Variants in PCID2 observed in about 807,000 individuals in gnomAD.
PCID2 encodes PCI domain-containing protein 2.
In PCID2, 41 loss-of-function variants were observed where a neutral mutation model predicts 61.3. That is an observed-to-expected ratio of 0.67 (90% CI 0.52 to 0.87). The LOEUF (loss-of-function observed/expected upper bound fraction) is 0.87, where lower values mean the gene tolerates loss of function less well. Ranked by LOEUF, PCID2 falls within the 40% of genes least tolerant of loss-of-function variation. PCID2 has a pLI of 0.00. For missense variants in PCID2, 392 were observed against 493.4 expected, an observed-to-expected ratio of 0.79 and a Z score of 1.95; for synonymous variants, 187 against 177.8, an observed-to-expected ratio of 1.05 and a Z score of -0.41.
chr13:113,166,743 C>G, the PCID2 span, among the ~76,000 whole-genome samples: 2 of 152,216 alleles, frequency 1.3e-5, no homozygotes, highest in African/African-American at 4.8e-5. Flanking sequence ...GCTGTCTGCC[C>G]CATGAGTGCG....
the PCID2 span, chr13:113,172,242 C>A: frequency 3.2e-6 from 4 of 1,254,180 alleles, no homozygotes; most frequent in Admixed American, 6.0e-5. Flanking sequence ...TTGGCCCACG[C>A]AGCAGCAGAG....
At chr13:113,200,632 GAA>G (rs2039351927) in intron 1 of PCID2, 116 bp from the exon 2 acceptor site, 2 of 589,788 alleles carry the variant, frequency 3.4e-6, no homozygotes, top group African/African-American at 3.8e-5. Flanking sequence ...TACTTTGAAA[GAA>G]GACAGAACAA....
intron 13 of PCID2, chr13:113,178,576 A>G (rs2037321065): frequency 6.6e-5 from 26 of 395,330 alleles, no homozygotes; most frequent in South Asian, 6.0e-4. Flanking sequence ...CCTAAACAAT[A>G]CAGTACAACA....
At chr13:113,202,557 G>A (rs1336972941) in intron 1 of PCID2, among the ~76,000 whole-genome samples, 2 of 152,224 alleles carry the variant, frequency 1.3e-5, no homozygotes, top group Non-Finnish European at 2.9e-5. Flanking sequence ...AAATGAGGAA[G>A]ATCTCTAGGA....
At chr13:113,176,724 C>T (rs1452247206), downstream of PCID2, among the ~76,000 whole-genome samples, 2 of 152,064 alleles carry the variant, frequency 1.3e-5, no homozygotes, top group African/African-American at 4.8e-5. Context: ...GACTGCACTG[C>T]CGCACTCCAG....
chr13:113,197,002 A>G lies in PCID2; in HGVS notation c.266+176T>C, dbSNP rs144821895. The stretch of plus-strand genomic sequence containing the variant: ...AAGTACTGCACGAGTCTTCAGATCC[A>G]TGCTAAATTTAAGTACCCAAGTGAA... On this transcript the variant is annotated intron_variant, in intron 4 of 13. Transcript: ENST00000337344. 2,097 of 1,562,588 alleles carry G rather than the reference A, an allele frequency of 1.3e-3. 10 individuals carry two copies. The African/African-American group carries it at 0.017, about 12-fold the overall frequency.
At chr13:113,200,907 G>A (rs756636837) in intron 1 of PCID2, among the ~76,000 whole-genome samples, 9 of 151,850 alleles carry the variant, frequency 5.9e-5, no homozygotes, top group Non-Finnish European at 7.4e-5. Context: ...AGCAAGACCC[G>A]TCTCTTTAAA....
At chr13:113,198,880 T>C (rs1359633732) in intron 2 of PCID2, among the ~76,000 whole-genome samples, 1 of 152,240 alleles carries the variant, frequency 6.6e-6, no homozygotes. Context: ...AGTCAAGAAA[T>C]ACTTGTTAAG....
chr13:113,190,782 T>G, intron 7 of PCID2, 90 bp downstream of exon 7: 1 of 617,892 alleles, frequency 1.6e-6, no homozygotes, highest in Non-Finnish European at 2.8e-6. Flanking sequence ...GAAATATGTG[T>G]CAACAATAAA....
At chr13:113,166,018 G>C in the PCID2 span, 1 of 152,084 alleles carries the variant, frequency 6.6e-6, no homozygotes, top group South Asian at 2.1e-4. Context: ...TAGATATTAC[G>C]ATTTTTGTTA....
downstream of PCID2, among the ~76,000 whole-genome samples, chr13:113,176,484 G>A (rs1190030659): frequency 1.3e-5 from 2 of 152,298 alleles, no homozygotes; most frequent in African/African-American, 4.8e-5. Context: ...GAAGAGAGCC[G>A]GGTGTGGTGG....
rs554792051 is a variant in PCID2 at position 113,203,112 on chromosome 13, G to A, written c.37-2596C>T. On this transcript the variant is annotated intron_variant, in intron 1 of 13. Coordinates refer to ENST00000337344, the MANE Select transcript of PCID2 (RefSeq NM_001127202.4). ...GGGCGGTGTCGCCGGGACCACAGTC[G>A]TCAGTGAGAAAGAGCAGCACTGGCA... 1.6e-4 allele frequency among the ~76,000 whole-genome samples: 24 copies of A among 152,318 alleles called. No homozygotes were observed. In the South Asian group the frequency reaches 4.1e-3, roughly 26 times the overall value.
At chr13:113,190,246 A>C (rs1172934913) in intron 7 of PCID2, among the ~76,000 whole-genome samples, 1 of 151,600 alleles carries the variant, frequency 6.6e-6, no homozygotes, top group African/African-American at 2.4e-5. Flanking sequence ...AAAAAAAAAA[A>C]ACCAACTATG....
At chr13:113,199,151 G>A (rs2039235756) in intron 2 of PCID2, among the ~76,000 whole-genome samples, 1 of 152,202 alleles carries the variant, frequency 6.6e-6, no homozygotes, top group South Asian at 2.1e-4. Context: ...GTCTGTGAGG[G>A]TGTTTCTGGA....
chr13:113,198,332 A>G (rs1324619792), intron 2 of PCID2, 68 bp from the exon 3 acceptor site: 1 of 923,950 alleles, frequency 1.1e-6, no homozygotes, highest in Non-Finnish European at 1.7e-6. Flanking sequence ...ACATATAGAA[A>G]GAGATTTAAA....
intron 1 of PCID2, among the ~76,000 whole-genome samples, chr13:113,205,656 T>TA (rs1268924311): frequency 6.6e-6 from 1 of 152,120 alleles, no homozygotes; most frequent in Non-Finnish European, 1.5e-5. Context: ...TCATTAGCCA[T>TA]AAAAAAGAAC....
intron 6 of PCID2, 95 bp from the exon 7 acceptor site, chr13:113,191,070 G>GCAGTC: frequency 1.3e-6 from 1 of 763,224 alleles, no homozygotes; most frequent in Non-Finnish European, 2.1e-6. Flanking sequence ...ACACCTCACT[G>GCAGTC]CAGCCTCAAC....
At chr13:113,189,939 C>T (rs893426672) in intron 7 of PCID2, among the ~76,000 whole-genome samples, 13 of 151,850 alleles carry the variant, frequency 8.6e-5, no homozygotes, top group Non-Finnish European at 1.2e-4. Flanking sequence ...AGGAGAATGG[C>T]TTGAACCCAG....
intron 1 of PCID2, among the ~76,000 whole-genome samples, chr13:113,204,568 C>A (rs1242904917): frequency 6.6e-6 from 1 of 152,166 alleles, no homozygotes; most frequent in African/African-American, 2.4e-5. Flanking sequence ...CTTGGCCACA[C>A]CTACCTGGGC....
Sources: gnomAD v4.1 joint callset for allele counts (sites outside exome capture counted in the v4.1 genomes callset) on GRCh38, gnomAD v4.1.1 for gene constraint, MANE v1.5 for transcripts, NCBI Gene and HGNC (gene_info 2026-07-23, HGNC 2026-07-21) for gene names.